Variants in UBR4 observed in about 807,000 individuals in gnomAD.
The protein encoded by UBR4 is E3 ubiquitin-protein ligase UBR4.
Under a neutral mutation model 575.6 loss-of-function variants are expected in UBR4, and 124 were observed. The observed-to-expected ratio is 0.22, with a 90% CI of 0.19 to 0.25. The LOEUF is 0.25. Ranked by LOEUF, UBR4 falls within the 10% of genes least tolerant of loss-of-function variation. The probability of loss-of-function intolerance (pLI) is 1.00; values close to 1 mark genes in which losing one functional copy is unlikely to be tolerated. For missense variants in UBR4, 4,818 were observed against 6,478.8 expected (o/e 0.74, Z 8.80); for synonymous variants, 2,455 against 2,473.7 (o/e 0.99, Z 0.22).
intron 35 of UBR4, 37 bp downstream of exon 35, chr1:19,162,383 C>A (rs1249299246): frequency 1.3e-6 from 2 of 1,586,204 alleles, no homozygotes; most frequent in Non-Finnish European, 1.7e-6. Flanking sequence ...TTAGTCATTA[C>A]CTTGAGAGGT....
chr1:19,176,925 A>C (rs2090327197), intron 19 of UBR4, among the ~76,000 whole-genome samples, 198 bp from the exon 20 acceptor site: 1 of 152,230 alleles, frequency 6.6e-6, no homozygotes, highest in African/African-American at 2.4e-5. Context: ...AAAGCCTGGG[A>C]AACTCACAAA....
At position 19,122,920 on chromosome 1, in the gene UBR4, C is replaced by T. The variant is rs773296049; in HGVS notation, c.9729G>A (p.Leu3243=). The change falls in exon 66 of 106, where the codon CTG becomes CTA. Residue 3243 remains leucine (L), a synonymous_variant. Coordinates refer to ENST00000375254, the MANE Select transcript of UBR4 (RefSeq NM_020765.3). ...GGAGGAATATCCCCTGCTCTTCTAGCAGCTTCTTGATCCCACGCACGTGAG... is the reference window on the plus strand; with the variant it reads ...GGAGGAATATCCCCTGCTCTTCTAGTAGCTTCTTGATCCCACGCACGTGAG... ...LDSHVRGIKK[L]LEEQGIFLRA... The T allele has an allele frequency of 6.2e-6, 10 of 1,614,136 alleles. No homozygotes were observed. In the African/African-American group the frequency reaches 1.2e-4, roughly 19 times the overall value.
chr1:19,210,148 C>G lies in UBR4; in HGVS notation c.101G>C (p.Arg34Pro). 1 of 1,576,102 alleles carries G rather than the reference C, an allele frequency of 6.3e-7. No individual in the cohort carries two copies. Among genetic ancestry groups the G allele is most frequent in the Non-Finnish European group, 8.6e-7 (1 of 1,164,652 alleles). Residue 34 changes from arginine to proline, a missense_variant, in exon 1 of 106, where the codon CGG (arginine) becomes CCG (proline). Physicochemically the swap from Arg to Pro is moderately radical, Grantham distance 103. This residue lies in a region of UBR4 where 95 missense variants were observed against 87.7 expected (regional missense o/e 1.08). Transcript: ENST00000375254. Reference sequence around the variant, plus strand: ...GGAGTAGGACGCGGACAGCAGGGGCCGCACAGCCACCTCCCAGCCCGGGGT... The same window carrying G: ...GGAGTAGGACGCGGACAGCAGGGGCGGCACAGCCACCTCCCAGCCCGGGGT... ...DTTPGWEVAV[R>P]PLLSASYSAF...
chr1:19,189,980 A>G (rs1187672178), intron 11 of UBR4, among the ~76,000 whole-genome samples: 2 of 151,964 alleles, frequency 1.3e-5, no homozygotes, highest in Non-Finnish European at 2.9e-5. Flanking sequence ...CCCTGTTCTA[A>G]TACTCTCTAG....
At chr1:19,190,010 G>A (rs764494527) in intron 11 of UBR4, among the ~76,000 whole-genome samples, 2 of 152,042 alleles carry the variant, frequency 1.3e-5, no homozygotes, top group African/African-American at 2.4e-5. Flanking sequence ...GACATGGCCA[G>A]GCAGATTGGC....
chr1:19,137,987 G>T lies in UBR4; in HGVS notation c.8906+20C>A. On this transcript the variant is annotated intron_variant, in intron 60 of 105. Coordinates refer to ENST00000375254, the MANE Select transcript of UBR4 (RefSeq NM_020765.3). ...TCTCAGATAGGCAAGCCTCTTAACTGTGAAGGACTAGGTCTTGACCTGTTG... is the reference window on the plus strand; with the variant it reads ...TCTCAGATAGGCAAGCCTCTTAACTTTGAAGGACTAGGTCTTGACCTGTTG... 1 of 1,473,184 alleles carries T rather than the reference G, an allele frequency of 6.8e-7. No individual in the cohort carries two copies. The highest frequency in any genetic ancestry group is 9.1e-7 in the Non-Finnish European group (1 of 1,102,266). 91.3% of individuals were successfully genotyped at this position (1,473,184 alleles called of 1,614,324 possible). A position where few individuals can be genotyped will look rare whatever the true frequency, so the allele number is the denominator to read the frequency against.
intron 11 of UBR4, 136 bp from the exon 12 acceptor site, chr1:19,187,676 A>C: frequency 1.5e-6 from 1 of 686,896 alleles, no homozygotes; most frequent in Non-Finnish European, 2.5e-6. Context: ...AAAAAATTGT[A>C]CATACATACA....
intron 75 of UBR4, among the ~76,000 whole-genome samples, chr1:19,114,437 C>T (rs1054923377): frequency 2.6e-5 from 4 of 152,162 alleles, no homozygotes; most frequent in Admixed American, 1.3e-4. Flanking sequence ...GAACCTCCCC[C>T]CGCCCCTGCC....
chr1:19,169,407 T>C, intron 27 of UBR4, 28 bp downstream of exon 27: 5 of 1,594,048 alleles, frequency 3.1e-6, no homozygotes, highest in Non-Finnish European at 4.3e-6. Flanking sequence ...CACTCAGTAT[T>C]TCTACCCTGG....
At position 19,110,654 on chromosome 1, in the gene UBR4, AC is replaced by A; in HGVS notation, c.11892+87del. On this transcript the variant is annotated intron_variant, in intron 79 of 105. Coordinates refer to ENST00000375254, the MANE Select transcript of UBR4 (RefSeq NM_020765.3). This position sits in a 1 kb window ranked among gnomAD's most constrained non-coding sequence, Gnocchi z 4.5. ...TGTTCTGCTCCTTCCCTCCTCAGTC[AC>A]CGCAGGACCTGGGAGGGGAAGCTGA... The A allele has an allele frequency of 6.8e-7, 1 of 1,468,900 alleles. No individual in the cohort carries two copies. The highest frequency in any genetic ancestry group is 9.5e-7 in the Non-Finnish European group (1 of 1,050,102). The allele number at this position is 1,468,900 out of a possible 1,614,324, so 91.0% of individuals were successfully genotyped here.
rs184609261 is a variant in UBR4, at chr1:19,136,915, G to A, written c.8906+1092C>T. On this transcript the variant is annotated intron_variant, in intron 60 of 105. Coordinates refer to ENST00000375254, the MANE Select transcript of UBR4 (RefSeq NM_020765.3). ...GTTCAAGCAGTAGGATTCGGGGAAC[G>A]TGGAAGGCACTCTTTGATGCCCCCT... is the stretch of plus-strand genomic sequence containing the variant. 1.4e-3 allele frequency among the ~76,000 whole-genome samples: 212 copies of A among 152,244 alleles called. 2 individuals carry two copies. Among genetic ancestry groups the A allele is most frequent in the African/African-American group, 4.7e-3 (197 of 41,548 alleles).
intron 5 of UBR4, 124 bp downstream of exon 5, chr1:19,198,417 T>A (rs1454241401): frequency 1.5e-6 from 2 of 1,330,974 alleles, no homozygotes; most frequent in Non-Finnish European, 2.0e-6. Flanking sequence ...CCTCAATTTC[T>A]TTTGTCCCAC....
At position 19,155,672 on chromosome 1, in the gene UBR4, C is replaced by A; in HGVS notation, c.6073-4G>T. The A allele has an allele frequency of 6.2e-7, 1 of 1,610,694 alleles. No individual in the cohort carries two copies. The highest frequency in any genetic ancestry group is 1.1e-5 in the South Asian group (1 of 91,018). ...CATCAACACACAGGTCATAAATCTG[C>A]AGGATGGAAGAAAAATTAAATAAGG... On this transcript the variant is annotated splice_region_variant and splice_polypyrimidine_tract_variant and intron_variant, in intron 42 of 105. Coordinates refer to ENST00000375254, the MANE Select transcript of UBR4 (RefSeq NM_020765.3).
intron 1 of UBR4, among the ~76,000 whole-genome samples, chr1:19,209,109 C>G (rs1393661276): frequency 6.6e-6 from 1 of 152,158 alleles, no homozygotes; most frequent in Non-Finnish European, 1.5e-5. Flanking sequence ...AAACCGTGGG[C>G]CTCCTTTGAG....
intron 25 of UBR4, among the ~76,000 whole-genome samples, chr1:19,171,946 G>A (rs1294977357): frequency 6.6e-6 from 1 of 152,132 alleles, no homozygotes; most frequent in Admixed American, 6.5e-5. Context: ...TGCTGCAAAG[G>A]GAACTAATTC....
chr1:19,132,026 A>G (rs998551598), intron 60 of UBR4, among the ~76,000 whole-genome samples: 1 of 152,240 alleles, frequency 6.6e-6, no homozygotes, highest in Non-Finnish European at 1.5e-5. Context: ...TGGGCCAAAG[A>G]CTAAATTACA....
At chr1:19,137,858 CT>C in intron 60 of UBR4, 148 bp downstream of exon 60, 2 of 863,640 alleles carry the variant, frequency 2.3e-6, no homozygotes, top group Middle Eastern at 2.9e-4. Flanking sequence ...CTTCCTAAGA[CT>C]TTAAACTGTT....
intron 61 of UBR4, 127 bp from the exon 62 acceptor site, chr1:19,128,445 A>G (rs756849957): frequency 1.3e-6 from 1 of 790,382 alleles, no homozygotes; most frequent in East Asian, 2.6e-5. Context: ...AATCCATTAT[A>G]GCGTTCTAAA....
chr1:19,148,688 T>G (rs1265173170), intron 49 of UBR4, 62 bp from the exon 50 acceptor site: 1 of 1,582,854 alleles, frequency 6.3e-7, no homozygotes, highest in Admixed American at 1.7e-5. Flanking sequence ...CGCTTTAGCC[T>G]AAGCAAACTA....
Sources: gnomAD v4.1 joint callset for allele counts (sites outside exome capture counted in the v4.1 genomes callset) on GRCh38, gnomAD v4.1.1 for gene constraint, gnomAD v4.1.1 regional missense constraint, Gnocchi (gnomAD v3.1) non-coding constraint, MANE v1.5 for transcripts, NCBI Gene and HGNC (gene_info 2026-07-23, HGNC 2026-07-21) for gene names.